ALK: variants seen among roughly 807,000 people sequenced by gnomAD.
ALK encodes ALK receptor tyrosine kinase.
Under a neutral mutation model 163.1 loss-of-function variants are expected in ALK, and 74 were observed. The observed-to-expected ratio is 0.45, with a 90% CI of 0.38 to 0.55. The LOEUF (loss-of-function observed/expected upper bound fraction) is 0.55, where lower values mean the gene tolerates loss of function less well. Among genes scored for constraint, ALK ranks in the 20% least tolerant of loss-of-function variants. The pLI is 0.00. For missense variants in ALK, 2,063 were observed against 2,105.3 expected (o/e 0.98, Z 0.39); for synonymous variants, 960 against 843.2 (o/e 1.14, Z -2.40).
Position 29,213,692 on chromosome 2 carries a change from A to T in ALK, c.3743+292T>A, listed in dbSNP as rs117007566. On this transcript the variant is annotated intron_variant, in intron 24 of 28. Coordinates refer to ENST00000389048, the MANE Select transcript of ALK (RefSeq NM_004304.5). ...AGAATAAGTTACCATCTCAAAGACAAAGCTGAAGGGGCCAGGAGCCATCGC... is the reference window on the plus strand; with the variant it reads ...AGAATAAGTTACCATCTCAAAGACATAGCTGAAGGGGCCAGGAGCCATCGC... 5.3e-4 allele frequency among the ~76,000 whole-genome samples: 81 copies of T among 152,266 alleles called. 1 individual carries two copies. In the East Asian group the frequency reaches 0.015, roughly 28 times the overall value.
chr2:29,375,436 AG>A (rs1243303265), intron 5 of ALK, among the ~76,000 whole-genome samples: 14 of 152,070 alleles, frequency 9.2e-5, no homozygotes, highest in African/African-American at 3.4e-4. Flanking sequence ...CTCCTGCCTC[AG>A]CCCCCCAAGT....
chr2:29,818,105 A>C (rs933324591), intron 1 of ALK, among the ~76,000 whole-genome samples: 1 of 152,100 alleles, frequency 6.6e-6, no homozygotes, highest in Non-Finnish European at 1.5e-5. Context: ...AGGGAGTCAG[A>C]CTTATTATTC....
chr2:29,842,511 C>T (rs188202465), intron 1 of ALK, among the ~76,000 whole-genome samples: 3 of 152,304 alleles, frequency 2.0e-5, no homozygotes, highest in South Asian at 4.1e-4. Context: ...TCACCAACTA[C>T]CCCACACAGT....
In ALK at chr2:29,476,265, G is replaced by C. The variant is rs75562736; in HGVS notation, c.1154+55650C>G. Among the ~76,000 whole-genome samples, 1,185 of 152,266 alleles carry C rather than the reference G, an allele frequency of 7.8e-3. 20 individuals carry two copies. The highest frequency in any genetic ancestry group is 0.028 in the African/African-American group (1,152 of 41,550). On this transcript the variant is annotated intron_variant, in intron 4 of 28. Coordinates refer to ENST00000389048, the MANE Select transcript of ALK (RefSeq NM_004304.5). ...CTGACATACAATGAGCGCATTCTAG[G>C]TTCTAGGCACTGCACTAAGCTCTGA... is the stretch of plus-strand genomic sequence containing the variant.
chr2:29,631,769 C>T (rs73921134), intron 3 of ALK, among the ~76,000 whole-genome samples: 4 of 152,236 alleles, frequency 2.6e-5, no homozygotes, highest in African/African-American at 7.2e-5. Flanking sequence ...GGTATCACAA[C>T]GTGGCCCTCA....
intron 3 of ALK, among the ~76,000 whole-genome samples, chr2:29,540,570 G>A (rs1179645143): frequency 7.2e-6 from 1 of 138,456 alleles, no homozygotes; most frequent in African/African-American, 2.7e-5. Flanking sequence ...GGACTAAAGA[G>A]AAGAATTATG....
intron 5 of ALK, among the ~76,000 whole-genome samples, chr2:29,360,711 A>G (rs907826853): frequency 6.6e-6 from 1 of 152,238 alleles, no homozygotes; most frequent in African/African-American, 2.4e-5. Flanking sequence ...CATAAGGGCC[A>G]TAATGGTGGT....
intron 3 of ALK, among the ~76,000 whole-genome samples, chr2:29,613,263 C>G (rs981678471): frequency 1.3e-5 from 2 of 152,206 alleles, no homozygotes; most frequent in African/African-American, 4.8e-5. Context: ...TGCTCAACTG[C>G]AATAATCAAT....
intron 1 of ALK, among the ~76,000 whole-genome samples, chr2:29,825,939 A>G (rs892889142): frequency 2.0e-5 from 3 of 152,184 alleles, no homozygotes; most frequent in Non-Finnish European, 2.9e-5. Flanking sequence ...GTGACTATGG[A>G]AAGATGTTCT....
intron 4 of ALK, among the ~76,000 whole-genome samples, chr2:29,421,921 A>G (rs1291397802): frequency 6.6e-6 from 1 of 151,664 alleles, no homozygotes; most frequent in Non-Finnish European, 1.5e-5. Flanking sequence ...TGTTTGCTAG[A>G]AATTCTAGAA....
intron 24 of ALK, among the ~76,000 whole-genome samples, chr2:29,212,061 C>T (rs1669480749): frequency 6.6e-6 from 1 of 152,130 alleles, no homozygotes; most frequent in Non-Finnish European, 1.5e-5. Context: ...TGGAAATGAT[C>T]CCTCAGCCAG....
rs1199029621 is a variant in ALK, at chr2:29,559,985, T to G, written c.953-27869A>C. 3.9e-5 allele frequency among the ~76,000 whole-genome samples: 6 copies of G among 152,316 alleles called. No homozygotes were observed. The South Asian group carries it at 8.3e-4, about 21-fold the overall frequency. On this transcript the variant is annotated intron_variant, in intron 3 of 28. Transcript: ENST00000389048. ...ATATACACACCAGATTTTGAAGCCT[T>G]GGGTTTTTTAAAAAGATATATAAAA...
chr2:29,500,293 C>T (rs781197197), intron 4 of ALK, among the ~76,000 whole-genome samples: 3 of 152,126 alleles, frequency 2.0e-5, no homozygotes, highest in Non-Finnish European at 4.4e-5. Flanking sequence ...AGTGAGTTAT[C>T]ACAAAGTTTG....
chr2:29,228,797 G>A, intron 16 of ALK, 87 bp downstream of exon 16: 2 of 896,492 alleles, frequency 2.2e-6, no homozygotes, highest in South Asian at 1.4e-5. Context: ...GCAGGCCAGG[G>A]GAGGGCAGGG....
intron 4 of ALK, among the ~76,000 whole-genome samples, chr2:29,390,430 A>C (rs754147161): frequency 1.3e-5 from 2 of 152,224 alleles, no homozygotes; most frequent in African/African-American, 2.4e-5. Flanking sequence ...GTCAGGACTC[A>C]AGCCACACTG....
rs371240075 is a variant in ALK at position 29,193,958 on chromosome 2, A to T, written c.4165-36T>A. 6.4e-4 allele frequency: 1,022 copies of T among 1,602,274 alleles called. 3 individuals carry two copies. The highest frequency in any genetic ancestry group is 8.3e-4 in the Non-Finnish European group (974 of 1,169,852). ...GGAAATTATTAAAACTTTGAATCAG[A>T]GACAAAAAATGTTGGATCTAGAAGA... is the stretch of plus-strand genomic sequence containing the variant. On this transcript the variant is annotated intron_variant, in intron 28 of 28. Coordinates refer to ENST00000389048, the MANE Select transcript of ALK (RefSeq NM_004304.5).
At chr2:29,223,694 T>A (rs964216144) in intron 19 of ALK, 166 bp from the exon 20 acceptor site, 1 of 644,232 alleles carries the variant, frequency 1.6e-6, no homozygotes, top group Non-Finnish European at 2.7e-6. Flanking sequence ...AGAAGGTGTG[T>A]CTTTAATTGA....
At chr2:29,838,710 C>G (rs1206685996) in intron 1 of ALK, among the ~76,000 whole-genome samples, 1 of 152,088 alleles carries the variant, frequency 6.6e-6, no homozygotes, top group African/African-American at 2.4e-5. Context: ...AGTTCTAGAA[C>G]AGACAAAAGG....
intron 5 of ALK, among the ~76,000 whole-genome samples, chr2:29,360,724 A>T (rs1425258413): frequency 2.0e-5 from 3 of 152,194 alleles, no homozygotes; most frequent in Non-Finnish European, 4.4e-5. Context: ...ATGGTGGTAA[A>T]AAATAAAAGC....
Sources: allele counts gnomAD v4.1 joint callset (sites outside exome capture counted in the v4.1 genomes callset), GRCh38; gene constraint gnomAD v4.1.1; transcripts MANE v1.5; gene names NCBI Gene and HGNC (gene_info 2026-07-23, HGNC 2026-07-21).